MTUS2: variants seen among roughly 807,000 people sequenced by gnomAD.
The protein encoded by MTUS2 is microtubule associated scaffold protein 2.
Under a neutral mutation model 114.1 loss-of-function variants are expected in MTUS2, and 40 were observed. That is an observed-to-expected ratio of 0.35 (90% CI 0.27 to 0.46). The LOEUF is 0.46. Ranked by LOEUF, MTUS2 falls within the 20% of genes least tolerant of loss-of-function variation. MTUS2 has a pLI of 1.00. For missense variants in MTUS2, 1,679 were observed against 1,705.4 expected (o/e 0.98, Z 0.27); for synonymous variants, 688 against 672.0 (o/e 1.02, Z -0.37).
intron 8 of MTUS2, among the ~76,000 whole-genome samples, chr13:29,374,210 T>C (rs377666696): frequency 2.0e-5 from 3 of 148,316 alleles, no homozygotes; most frequent in African/African-American, 7.5e-5. Flanking sequence ...CAGACAATTT[T>C]AAAAAGGTCT....
intron 6 of MTUS2, among the ~76,000 whole-genome samples, chr13:29,317,962 T>C (rs373717549): frequency 3.1e-4 from 47 of 152,174 alleles, no homozygotes; most frequent in African/African-American, 1.0e-3. Context: ...TATCATCACT[T>C]GCGTTGTGGC....
intron 4 of MTUS2, among the ~76,000 whole-genome samples, chr13:29,049,011 G>A (rs555892015): frequency 6.6e-6 from 1 of 152,308 alleles, no homozygotes; most frequent in East Asian, 1.9e-4. Context: ...TATTAGGCGT[G>A]TACTGATCAG....
At chr13:29,077,936 AAAAC>A (rs1300048180) in intron 4 of MTUS2, among the ~76,000 whole-genome samples, 2 of 152,226 alleles carry the variant, frequency 1.3e-5, no homozygotes, top group African/African-American at 4.8e-5. Context: ...GGAAAATGGC[AAAAC>A]AAACTTAATT....
intron 5 of MTUS2, among the ~76,000 whole-genome samples, chr13:29,280,115 C>A (rs1426520105): frequency 2.6e-5 from 4 of 152,188 alleles, no homozygotes; most frequent in Non-Finnish European, 4.4e-5. Flanking sequence ...TAGCACTGGA[C>A]TGGTGCATCC....
At chr13:29,056,409 A>G (rs961789243) in intron 4 of MTUS2, among the ~76,000 whole-genome samples, 1 of 151,924 alleles carries the variant, frequency 6.6e-6, no homozygotes, top group African/African-American at 2.4e-5. Flanking sequence ...GTTTCAGTGG[A>G]AATGATACCA....
chr13:29,491,582 G>A (rs1417607642), intron 11 of MTUS2, among the ~76,000 whole-genome samples: 1 of 126,420 alleles, frequency 7.9e-6, no homozygotes, highest in Non-Finnish European at 1.7e-5. Flanking sequence ...GTGTGTGGGG[G>A]TGTGTGTGAC....
At chr13:29,354,240 A>C (rs1337287508) in intron 7 of MTUS2, among the ~76,000 whole-genome samples, 1 of 120,384 alleles carries the variant, frequency 8.3e-6, no homozygotes, top group African/African-American at 3.1e-5. Context: ...TATTTTGGGC[A>C]TTTTTTTTTT....
At chr13:29,358,750 T>C (rs1359285760) in intron 7 of MTUS2, among the ~76,000 whole-genome samples, 1 of 152,076 alleles carries the variant, frequency 6.6e-6, no homozygotes, top group Non-Finnish European at 1.5e-5. Context: ...CAGGAGTTGC[T>C]AGAGCAGCGG....
At position 28,995,392 on chromosome 13, in the gene MTUS2, TG is replaced by T. The variant is rs1885052205; in HGVS notation, c.-242-29063del. ...TGACTTGGCAATGAGGGCTCTTTTTTGGTTCCATATGAACTTTAAAGTAGCT... is the reference window on the plus strand; with the variant it reads ...TGACTTGGCAATGAGGGCTCTTTTTTGTTCCATATGAACTTTAAAGTAGCT... On this transcript the variant is annotated intron_variant, in intron 2 of 15. Transcript: ENST00000612955. Among the ~76,000 whole-genome samples the T allele has an allele frequency of 2.6e-5, 4 of 152,346 alleles. No homozygotes were observed. The South Asian group carries it at 8.3e-4, about 32-fold the overall frequency.
intron 4 of MTUS2, among the ~76,000 whole-genome samples, chr13:29,055,598 A>C (rs1888097462): frequency 6.6e-6 from 1 of 152,068 alleles, no homozygotes; most frequent in Non-Finnish European, 1.5e-5. Context: ...GCTTTCCCTT[A>C]TAGATGAGAA....
At chr13:29,302,305 A>C (rs888048886) in intron 6 of MTUS2, among the ~76,000 whole-genome samples, 1 of 152,178 alleles carries the variant, frequency 6.6e-6, no homozygotes, top group South Asian at 2.1e-4. Context: ...GTGATTGTGC[A>C]ACCCCACCTG....
At chr13:29,253,739 G>T (rs1344632023) in intron 5 of MTUS2, among the ~76,000 whole-genome samples, 1 of 152,154 alleles carries the variant, frequency 6.6e-6, no homozygotes, top group Non-Finnish European at 1.5e-5. Flanking sequence ...AGGTTTAATG[G>T]ACTCACAGTT....
intron 5 of MTUS2, among the ~76,000 whole-genome samples, chr13:29,230,207 C>T (rs1449809567): frequency 6.6e-6 from 1 of 152,186 alleles, no homozygotes; most frequent in Non-Finnish European, 1.5e-5. Context: ...GATCACGCCA[C>T]TGCGCCCCAG....
At chr13:29,067,332 A>G (rs888348803) in intron 4 of MTUS2, among the ~76,000 whole-genome samples, 1 of 152,130 alleles carries the variant, frequency 6.6e-6, no homozygotes, top group African/African-American at 2.4e-5. Context: ...CAAGAGACAG[A>G]ACACTGTAGG....
At chr13:29,053,359 A>C (rs1362874310) in intron 4 of MTUS2, among the ~76,000 whole-genome samples, 1 of 152,136 alleles carries the variant, frequency 6.6e-6, no homozygotes, top group African/African-American at 2.4e-5. Context: ...GTGGAGATCC[A>C]TGTGGGCACT....
At chr13:28,843,325 C>T (rs959579916) in intron 2 of MTUS2, among the ~76,000 whole-genome samples, 2 of 151,906 alleles carry the variant, frequency 1.3e-5, no homozygotes, top group African/African-American at 2.4e-5. Flanking sequence ...CCTCAGATTT[C>T]GAGAATGTGA....
At chr13:28,920,528 T>C (rs1424293546) in intron 2 of MTUS2, among the ~76,000 whole-genome samples, 1 of 152,132 alleles carries the variant, frequency 6.6e-6, no homozygotes, top group Non-Finnish European at 1.5e-5. Flanking sequence ...CACTGGGTCT[T>C]TCCCAAGGCC....
chr13:29,275,875 G>A (rs1898044617), intron 5 of MTUS2, among the ~76,000 whole-genome samples: 2 of 152,110 alleles, frequency 1.3e-5, no homozygotes, highest in South Asian at 2.1e-4. Context: ...CTTTTCTTTT[G>A]GGTATGTACT....
At chr13:29,158,053 A>G (rs1892937968) in intron 5 of MTUS2, among the ~76,000 whole-genome samples, 2 of 152,120 alleles carry the variant, frequency 1.3e-5, no homozygotes, top group Admixed American at 6.5e-5. Flanking sequence ...CCTTCTTGGG[A>G]TGTGTTTTGT....
Sources: gnomAD v4.1 joint callset for allele counts (sites outside exome capture counted in the v4.1 genomes callset) on GRCh38, gnomAD v4.1.1 for gene constraint, MANE v1.5 for transcripts, NCBI Gene and HGNC (gene_info 2026-07-23, HGNC 2026-07-21) for gene names.